The following AATF variants were observed in gnomAD, a reference collection of about 807,000 sequenced individuals.
AATF encodes the protein protein AATF.
AATF carries 48 observed loss-of-function variants against 63.7 expected under a neutral mutation model. The observed-to-expected ratio is 0.75, with a 90% CI of 0.60 to 0.96. The LOEUF (loss-of-function observed/expected upper bound fraction) is 0.96, where lower values mean the gene tolerates loss of function less well. Ranked by LOEUF, AATF falls within the 40% of genes least tolerant of loss-of-function variation. The pLI, the probability that AATF is intolerant of heterozygous loss-of-function variation, is 0.00. For missense variants in AATF, 639 were observed against 685.7 expected (o/e 0.93, Z 0.76); for synonymous variants, 258 against 247.7 (o/e 1.04, Z -0.39).
intron 4 of AATF, among the ~76,000 whole-genome samples, chr17:36,957,825 G>C (rs945800603): frequency 6.6e-6 from 1 of 152,006 alleles, no homozygotes; most frequent in Admixed American, 6.5e-5. Flanking sequence ...CCTAACTATT[G>C]CCTCTAAAAT....
chr17:36,976,114 G>A (rs1384517333), intron 4 of AATF, among the ~76,000 whole-genome samples: 2 of 152,096 alleles, frequency 1.3e-5, no homozygotes, highest in Non-Finnish European at 1.5e-5. Context: ...TTTTTATCAT[G>A]TGATGGTATT....
Position 36,989,390 on chromosome 17 carries a change from A to G in AATF, c.1293A>G (p.Pro431=). The G allele has an allele frequency of 6.2e-7, 1 of 1,612,996 alleles. No individual in the cohort carries two copies. Among genetic ancestry groups the G allele is most frequent in the South Asian group, 1.1e-5 (1 of 90,868 alleles). ...CTGAGCCAGCAGCTCAGCCTGTCCC[A>G]GAGAGTTTGCCAGGGGAACCGGTAA... The part of the protein sequence containing the change: ...GKPEPAAQPV[P]ESLPGEPEIL... Residue 431 remains proline (P), a synonymous_variant, in exon 7 of 12, where the codon CCA becomes CCG. Transcript: ENST00000619387.
intron 8 of AATF, among the ~76,000 whole-genome samples, chr17:37,014,206 T>A (rs1246809616): frequency 1.3e-5 from 2 of 151,880 alleles, no homozygotes; most frequent in Non-Finnish European, 2.9e-5. Context: ...AGGCAGAGGC[T>A]GCAATGCGCT....
At chr17:37,003,471 C>CTTTTTTTTT (rs1163393533) in intron 8 of AATF, among the ~76,000 whole-genome samples, 1 of 96,646 alleles carries the variant, frequency 1.0e-5, no homozygotes, top group Non-Finnish European at 1.9e-5. Flanking sequence ...TTGACAAGAA[C>CTTTTTTTTT]TTTTTTTTTT....
At chr17:36,974,068 C>CAAA (rs71159673) in intron 4 of AATF, among the ~76,000 whole-genome samples, 53 of 121,822 alleles carry the variant, frequency 4.4e-4, no homozygotes, top group African/African-American at 1.4e-3. Flanking sequence ...GAGTCCATCT[C>CAAA]AAAAAAAAAA....
At chr17:37,007,482 G>T (rs1374864414) in intron 8 of AATF, among the ~76,000 whole-genome samples, 1 of 150,382 alleles carries the variant, frequency 6.6e-6, no homozygotes, top group Non-Finnish European at 1.5e-5. Flanking sequence ...GTGATTACAG[G>T]CATCAGCCAC....
intron 8 of AATF, chr17:36,998,778 A>G (rs1457920282): frequency 1.3e-5 from 2 of 152,218 alleles, no homozygotes; most frequent in Non-Finnish European, 2.9e-5. Flanking sequence ...AAAGGCTAGT[A>G]AGACCAAAAT....
chr17:36,990,890 T>C lies in AATF; in HGVS notation c.1398+33T>C, dbSNP rs373882307. 76 of 1,456,134 alleles carry C rather than the reference T, an allele frequency of 5.2e-5. No individual in the cohort carries two copies. The African/African-American group carries it at 8.4e-4, about 16-fold the overall frequency. 90.2% of individuals were successfully genotyped at this position (1,456,134 alleles called of 1,614,324 possible). A position where few individuals can be genotyped will look rare whatever the true frequency, so the allele number is the denominator to read the frequency against. On this transcript the variant is annotated intron_variant, in intron 8 of 11. Transcript: ENST00000619387. ...TTTTACACTCTCTTGTTACAAATCA[T>C]GTTTTAGCATTTTAAAGCAGCTTAT...
intron 11 of AATF, among the ~76,000 whole-genome samples, chr17:37,035,102 C>T (rs142550954): frequency 0.016 from 2,374 of 148,352 alleles, 65 homozygotes; most frequent in African/African-American, 0.055. Context: ...CCAGCCTGGG[C>T]GACAGAATGA....
chr17:37,023,671 A>G (rs188660027), intron 10 of AATF, among the ~76,000 whole-genome samples: 7 of 151,136 alleles, frequency 4.6e-5, no homozygotes, highest in African/African-American at 9.7e-5. Flanking sequence ...AAAAAGAGGC[A>G]TTCTTTTTAA....
chr17:36,981,281 C>G (rs865903557), intron 4 of AATF, among the ~76,000 whole-genome samples: 12 of 151,978 alleles, frequency 7.9e-5, no homozygotes, highest in African/African-American at 2.9e-4. Context: ...ATGTTAGAGT[C>G]AAATTCTGAC....
intron 4 of AATF, among the ~76,000 whole-genome samples, chr17:36,975,115 G>A (rs1225158236): frequency 6.6e-6 from 1 of 152,104 alleles, no homozygotes; most frequent in African/African-American, 2.4e-5. Context: ...ACTCGTAAAA[G>A]TGTCCTCTAG....
At chr17:36,997,211 G>A (rs1261830381) in intron 8 of AATF, among the ~76,000 whole-genome samples, 2 of 152,166 alleles carry the variant, frequency 1.3e-5, no homozygotes, top group East Asian at 3.8e-4. Context: ...TGAGGTCTTG[G>A]TATTAATGTG....
intron 8 of AATF, among the ~76,000 whole-genome samples, chr17:36,993,652 GTTTT>G (rs991799378): frequency 6.6e-6 from 1 of 151,934 alleles, no homozygotes; most frequent in South Asian, 2.1e-4. Flanking sequence ...CATTTGTGTG[GTTTT>G]TTTTAACATG....
chr17:36,988,572 G>T lies in AATF; in HGVS notation c.1001G>T (p.Arg334Leu). 1 of 1,614,152 alleles carries T rather than the reference G, an allele frequency of 6.2e-7. No homozygotes were observed. The highest frequency in any genetic ancestry group is 8.5e-7 in the Non-Finnish European group (1 of 1,180,024). Residue 334 changes from arginine (R) to leucine (L), a missense_variant, in exon 6 of 12, where the codon CGA becomes CTA. By Grantham distance (102) the Arg-to-Leu change is moderately radical. Coordinates refer to ENST00000619387, the MANE Select transcript of AATF (RefSeq NM_012138.4). ...DELVEEKKQQ[R>L]RRVPAKRKLE... is the part of the protein sequence containing the mutation. ...CTGGTAGAAGAGAAGAAGCAGCAAC[G>T]AAGAAGGGTCCCTGCAAAGAGGAAG...
intron 8 of AATF, among the ~76,000 whole-genome samples, chr17:36,995,177 A>G (rs908467946): frequency 7.2e-5 from 11 of 152,224 alleles, no homozygotes; most frequent in Non-Finnish European, 1.3e-4. Context: ...TCTAGCCAAG[A>G]GTATCTAGAG....
At chr17:37,007,102 A>G (rs958709124) in intron 8 of AATF, among the ~76,000 whole-genome samples, 1 of 152,158 alleles carries the variant, frequency 6.6e-6, no homozygotes, top group African/African-American at 2.4e-5. Flanking sequence ...TCATTCTGTA[A>G]ATATTGCACT....
chr17:36,965,411 C>A (rs2070983616), intron 4 of AATF, among the ~76,000 whole-genome samples: 1 of 152,124 alleles, frequency 6.6e-6, no homozygotes, highest in Middle Eastern at 3.2e-3. Flanking sequence ...TTATAAGGAC[C>A]CTTGAGATCA....
chr17:37,053,570 T>C (rs56284891), intron 11 of AATF, among the ~76,000 whole-genome samples: 11,848 of 152,156 alleles, frequency 0.078, 1,553 homozygotes, highest in African/African-American at 0.27. Context: ...AAAGGTGCTA[T>C]AAAATGTCCA....
Sources: allele counts gnomAD v4.1 joint callset (sites outside exome capture counted in the v4.1 genomes callset), GRCh38; gene constraint gnomAD v4.1.1; transcripts MANE v1.5; gene names NCBI Gene and HGNC (gene_info 2026-07-23, HGNC 2026-07-21).